DDX4: variants seen among roughly 807,000 people sequenced by gnomAD.
DDX4 encodes DEAD-box helicase 4.
Under a neutral mutation model 100.0 loss-of-function variants are expected in DDX4, and 25 were observed. That is an observed-to-expected ratio of 0.25 (90% CI 0.18 to 0.35). The LOEUF (loss-of-function observed/expected upper bound fraction) is 0.35. Among genes scored for constraint, DDX4 ranks in the 10% least tolerant of loss-of-function variants. DDX4 has a pLI of 1.00. For missense variants in DDX4, 635 were observed against 882.4 expected, an observed-to-expected ratio of 0.72 and a Z score of 3.55; for synonymous variants, 259 against 275.7, an observed-to-expected ratio of 0.94 and a Z score of 0.60.
chr5:55,768,496 A>G (rs891792916), intron 7 of DDX4, among the ~76,000 whole-genome samples: 1 of 152,182 alleles, frequency 6.6e-6, no homozygotes, highest in Non-Finnish European at 1.5e-5. Context: ...CATGGCGCAT[A>G]TATACCACAT....
At chr5:55,779,179 CAT>C (rs1478023858) in intron 7 of DDX4, among the ~76,000 whole-genome samples, 2 of 152,162 alleles carry the variant, frequency 1.3e-5, no homozygotes, top group Non-Finnish European at 2.9e-5. Context: ...TTTTAACTTA[CAT>C]ATGTGTTCTT....
At chr5:55,796,238 C>A (rs1742927626) in intron 17 of DDX4, among the ~76,000 whole-genome samples, 1 of 152,198 alleles carries the variant, frequency 6.6e-6, no homozygotes, top group African/African-American at 2.4e-5. Context: ...AAATGTCAGT[C>A]TCCTCTGGTA....
At position 55,792,644 on chromosome 5, in the gene DDX4, G is replaced by T; in HGVS notation, c.1306G>T (p.Gly436Cys). 6.6e-7 allele frequency: 1 copy of T among 1,521,302 alleles called. No individual in the cohort carries two copies. Among genetic ancestry groups the T allele is most frequent in the Non-Finnish European group, 8.9e-7 (1 of 1,125,268 alleles). The allele number at this position is 1,521,302 out of a possible 1,614,324, so 94.2% of individuals were successfully genotyped here. The change falls in exon 17 of 22, where the codon GGT becomes TGT. Residue 436 changes from glycine to cysteine, a missense_variant. Around this residue, in one of 4 missense-constraint regions of DDX4, gnomAD observed 446 missense variants for 540.8 expected, o/e 0.82. Coordinates refer to ENST00000505374, the MANE Select transcript of DDX4 (RefSeq NM_024415.3). ...ACCTTTGAAAATATCCTTAAAGATT[G>T]GTCTCAAACAGATCAAATACTTAGT... ...LMDIIGKEKI[G>C]LKQIKYLVLD...
intron 1 of DDX4, among the ~76,000 whole-genome samples, chr5:55,738,613 C>G (rs1758820795): frequency 6.6e-6 from 1 of 152,136 alleles, no homozygotes; most frequent in Non-Finnish European, 1.5e-5. Flanking sequence ...AGTTGCCTCT[C>G]CCTTAATATT....
intron 21 of DDX4, 135 bp downstream of exon 21, chr5:55,815,558 T>C: frequency 8.0e-7 from 1 of 1,246,278 alleles, no homozygotes; most frequent in South Asian, 2.6e-5. Flanking sequence ...TACTTTATTA[T>C]TTCATTAACA....
At chr5:55,786,871 T>C (rs1357629610) in intron 14 of DDX4, among the ~76,000 whole-genome samples, 1 of 152,244 alleles carries the variant, frequency 6.6e-6, no homozygotes, top group Non-Finnish European at 1.5e-5. Flanking sequence ...GGGGTGGTGT[T>C]GCTGTCCATA....
chr5:55,768,001 G>C, intron 7 of DDX4, 61 bp downstream of exon 7: 1 of 1,417,672 alleles, frequency 7.1e-7, no homozygotes, highest in Non-Finnish European at 1.0e-6. Context: ...TGGTAAAACT[G>C]ATTTTGAAGG....
At chr5:55,763,868 T>G (rs1366058129) in intron 5 of DDX4, 146 bp from the exon 6 acceptor site, 9 of 597,058 alleles carry the variant, frequency 1.5e-5, no homozygotes, top group Non-Finnish European at 2.7e-5. Flanking sequence ...GAAATTGTTG[T>G]ACAGCCTGAG....
intron 16 of DDX4, among the ~76,000 whole-genome samples, chr5:55,792,205 T>G (rs989545859): frequency 4.0e-5 from 6 of 151,570 alleles, no homozygotes; most frequent in Non-Finnish European, 8.8e-5. Flanking sequence ...AGTGTTGATC[T>G]AGACATTTGG....
intron 6 of DDX4, 57 bp downstream of exon 6, chr5:55,764,121 G>C (rs1267227741): frequency 2.4e-6 from 3 of 1,265,388 alleles, no homozygotes; most frequent in Non-Finnish European, 3.5e-6. Context: ...TGCTAAAAAA[G>C]AGAAATTAAG....
At chr5:55,748,084 T>C (rs942274373) in intron 3 of DDX4, among the ~76,000 whole-genome samples, 3 of 152,198 alleles carry the variant, frequency 2.0e-5, no homozygotes, top group African/African-American at 7.2e-5. Context: ...AGGGTAAATA[T>C]CTTGACAAAA....
chr5:55,813,815 A>G (rs1310966044), intron 19 of DDX4, 43 bp downstream of exon 19: 2 of 1,502,886 alleles, frequency 1.3e-6, no homozygotes. Flanking sequence ...AATGACTTCT[A>G]TTTGGTATTT....
chr5:55,816,638 A>T lies in DDX4; in HGVS notation c.*98A>T. On this transcript the variant is annotated 3_prime_UTR_variant, in exon 22 of 22. Coordinates refer to ENST00000505374, the MANE Select transcript of DDX4 (RefSeq NM_024415.3). ...GAAGTATAAAACTTAACATTCTCAT[A>T]GCTCCTGTCCTTGTATTCTCACTCC... The T allele has an allele frequency of 6.5e-7, 1 of 1,527,898 alleles. No individual in the cohort carries two copies. The highest frequency in any genetic ancestry group is 8.8e-7 in the Non-Finnish European group (1 of 1,134,994). The allele number at this position is 1,527,898 out of a possible 1,614,324, so 94.6% of individuals were successfully genotyped here.
At chr5:55,767,137 G>A (rs1269761293) in intron 6 of DDX4, among the ~76,000 whole-genome samples, 1 of 152,146 alleles carries the variant, frequency 6.6e-6, no homozygotes, top group Middle Eastern at 3.2e-3. Flanking sequence ...AATGTCTTGA[G>A]TTTATTAAGA....
At chr5:55,776,390 C>G (rs1198440223) in intron 7 of DDX4, among the ~76,000 whole-genome samples, 1 of 152,034 alleles carries the variant, frequency 6.6e-6, no homozygotes, top group Non-Finnish European at 1.5e-5. Context: ...GAAGAATATT[C>G]AAAGAGAATA....
intron 3 of DDX4, among the ~76,000 whole-genome samples, chr5:55,755,686 C>T (rs1408737708): frequency 1.3e-5 from 2 of 151,810 alleles, no homozygotes; most frequent in African/African-American, 4.8e-5. Context: ...AGAATTTGTT[C>T]ATAAAACTGT....
intron 18 of DDX4, 115 bp downstream of exon 18, chr5:55,798,686 TCTCC>T: frequency 1.1e-6 from 1 of 945,736 alleles, no homozygotes; most frequent in African/African-American, 1.7e-5. Flanking sequence ...TTTAAGTCTC[TCTCC>T]CTCTAAAGCT....
At chr5:55,792,361 TA>T (rs1484947734) in intron 16 of DDX4, among the ~76,000 whole-genome samples, 42 of 151,640 alleles carry the variant, frequency 2.8e-4, no homozygotes, top group Admixed American at 2.0e-3. Context: ...TTTTTATTTT[TA>T]TTTTTTTCTT....
chr5:55,749,479 G>T (rs1189722371), intron 3 of DDX4, among the ~76,000 whole-genome samples: 1 of 152,094 alleles, frequency 6.6e-6, no homozygotes, highest in East Asian at 1.9e-4. Context: ...TTTGAGGGTG[G>T]ATCATTAAAA....
Sources: allele counts gnomAD v4.1 joint callset (sites outside exome capture counted in the v4.1 genomes callset), GRCh38; gene constraint gnomAD v4.1.1; regional missense constraint gnomAD v4.1.1; transcripts MANE v1.5; gene names NCBI Gene and HGNC (gene_info 2026-07-23, HGNC 2026-07-21).